The following PRKD3 variants were observed in gnomAD, a reference collection of about 807,000 sequenced individuals.
PRKD3 encodes the protein serine/threonine-protein kinase D3.
Under a neutral mutation model 99.2 loss-of-function variants are expected in PRKD3, and 47 were observed. The observed-to-expected ratio is 0.47, with a 90% CI of 0.38 to 0.60. The LOEUF is 0.60. Among genes scored for constraint, PRKD3 ranks in the 20% least tolerant of loss-of-function variants. The pLI is 0.00. For synonymous variants in PRKD3, 392 were observed against 355.4 expected, an observed-to-expected ratio of 1.10 and a Z score of -1.16; for missense variants, 1,019 against 1,088.4, an observed-to-expected ratio of 0.94 and a Z score of 0.90.
chr2:37,322,422 A>G (rs1210422262), intron 1 of PRKD3, among the ~76,000 whole-genome samples: 3 of 152,238 alleles, frequency 2.0e-5, no homozygotes, highest in Non-Finnish European at 4.4e-5. Flanking sequence ...GCTCATCTGG[A>G]CCAGTGACAG....
intron 7 of PRKD3, among the ~76,000 whole-genome samples, chr2:37,281,756 AT>A (rs1034124416): frequency 4.6e-5 from 7 of 152,238 alleles, no homozygotes; most frequent in Non-Finnish European, 5.9e-5. Context: ...GAAAATGTTA[AT>A]TAAACTCTCC....
At chr2:37,295,045 A>T (rs1278430701) in intron 2 of PRKD3, among the ~76,000 whole-genome samples, 1 of 152,206 alleles carries the variant, frequency 6.6e-6, no homozygotes, top group African/African-American at 2.4e-5. Flanking sequence ...ACTGCACTCC[A>T]GTCTGGGTGA....
intron 9 of PRKD3, 101 bp from the exon 10 acceptor site, chr2:37,275,945 T>C (rs1018228127): frequency 6.7e-5 from 94 of 1,395,532 alleles, no homozygotes; most frequent in Non-Finnish European, 8.4e-5. Flanking sequence ...ATTTGTATTT[T>C]TGAATAACTT....
intron 16 of PRKD3, among the ~76,000 whole-genome samples, chr2:37,258,816 T>C (rs1572610744): frequency 6.6e-6 from 1 of 152,354 alleles, no homozygotes; most frequent in East Asian, 1.9e-4. Flanking sequence ...TGAAAACACC[T>C]ATCTGTTGTC....
chr2:37,272,545 C>T (rs1669338170), intron 11 of PRKD3, 113 bp from the exon 12 acceptor site: 3 of 1,293,626 alleles, frequency 2.3e-6, no homozygotes, highest in African/African-American at 3.1e-5. Context: ...ACAGTTAATA[C>T]AATTATGTAC....
At chr2:37,260,870 A>T (rs1383936228) in intron 14 of PRKD3, among the ~76,000 whole-genome samples, 4 of 152,186 alleles carry the variant, frequency 2.6e-5, no homozygotes, top group Non-Finnish European at 5.9e-5. Context: ...TTTTAGGCTC[A>T]ACATCTCTAC....
At chr2:37,284,210 AT>A (rs1018963671) in intron 6 of PRKD3, among the ~76,000 whole-genome samples, 1 of 152,168 alleles carries the variant, frequency 6.6e-6, no homozygotes, top group Non-Finnish European at 1.5e-5. Context: ...AAATATTTTT[AT>A]TTTTTAAGTA....
chr2:37,305,821 G>C (rs1671139404), intron 2 of PRKD3, among the ~76,000 whole-genome samples: 1 of 152,164 alleles, frequency 6.6e-6, no homozygotes, highest in Non-Finnish European at 1.5e-5. Flanking sequence ...TTGAAATCAT[G>C]AGTATTAACT....
At chr2:37,270,949 T>C (rs1669215568) in intron 12 of PRKD3, among the ~76,000 whole-genome samples, 1 of 152,218 alleles carries the variant, frequency 6.6e-6, no homozygotes. Flanking sequence ...TTATTCAAAA[T>C]TTGAGTGCTC....
intron 17 of PRKD3, among the ~76,000 whole-genome samples, chr2:37,256,439 G>T (rs972295523): frequency 8.5e-5 from 13 of 152,122 alleles, no homozygotes; most frequent in Non-Finnish European, 1.8e-4. Flanking sequence ...GGCCACTGGG[G>T]CCTATGTAAG....
At chr2:37,319,371 T>C (rs1310635199) in intron 1 of PRKD3, among the ~76,000 whole-genome samples, 1 of 152,180 alleles carries the variant, frequency 6.6e-6, no homozygotes, top group South Asian at 2.1e-4. Flanking sequence ...TCCTCAGCCT[T>C]ATATCATTTT....
intron 17 of PRKD3, among the ~76,000 whole-genome samples, chr2:37,255,576 A>G (rs1368075710): frequency 6.6e-6 from 1 of 152,204 alleles, no homozygotes; most frequent in Non-Finnish European, 1.5e-5. Context: ...AGGAGAGAGG[A>G]AAACAAACTG....
chr2:37,307,443 G>A lies in PRKD3; in HGVS notation c.288+8794C>T, dbSNP rs138212062. ...TGGGATCAGCTTGGGCACAACTAAG[G>A]CACCGGATATATGAAACAAGATGGG... On this transcript the variant is annotated intron_variant, in intron 2 of 18. Coordinates refer to ENST00000234179, the MANE Select transcript of PRKD3 (RefSeq NM_005813.6). Among the ~76,000 whole-genome samples, 92 of 152,230 alleles carry A rather than the reference G, an allele frequency of 6.0e-4. 1 individual carries two copies. The East Asian group carries it at 0.017, about 28-fold the overall frequency.
rs1345256015 is a variant in PRKD3, at chr2:37,251,642, C to T, written c.*1535G>A. ...TTTTTTTTTTTTGCTACCTCAAATT[C>T]GGTGGGCAACGATAGTTAACACTTT... On this transcript the variant is annotated 3_prime_UTR_variant, in exon 19 of 19. Transcript: ENST00000234179. 3.3e-5 allele frequency: 5 copies of T among 150,808 alleles called. No individual in the cohort carries two copies. Among genetic ancestry groups the T allele is most frequent in the South Asian group, 2.1e-4 (1 of 4,806 alleles). The allele number at this position is 150,808 out of a possible 1,614,324, so 9.3% of individuals were successfully genotyped here. A position where few individuals can be genotyped will look rare whatever the true frequency, so the allele number is the denominator to read the frequency against.
intron 7 of PRKD3, 141 bp from the exon 8 acceptor site, chr2:37,280,070 G>C (rs1444110539): frequency 2.0e-5 from 10 of 493,554 alleles, no homozygotes; most frequent in Non-Finnish European, 3.0e-5. Flanking sequence ...TTTTTTTTTT[G>C]AGATAGAGTT....
chr2:37,294,886 A>C (rs934703421), intron 2 of PRKD3, among the ~76,000 whole-genome samples: 1 of 152,132 alleles, frequency 6.6e-6, no homozygotes, highest in Non-Finnish European at 1.5e-5. Context: ...ACCAGCCTGG[A>C]CAACATGGTG....
intron 10 of PRKD3, 31 bp from the exon 11 acceptor site, chr2:37,274,728 A>C: frequency 6.3e-7 from 1 of 1,578,226 alleles, no homozygotes; most frequent in Non-Finnish European, 8.7e-7. Context: ...TTGAAAAATA[A>C]GAATAGATCT....
chr2:37,257,268 C>A (rs576761973), intron 16 of PRKD3, among the ~76,000 whole-genome samples: 3 of 152,290 alleles, frequency 2.0e-5, no homozygotes, highest in African/African-American at 7.2e-5. Flanking sequence ...TGTAAGATCA[C>A]TCTTCCATCA....
chr2:37,304,437 T>C (rs1472772342), intron 2 of PRKD3, among the ~76,000 whole-genome samples: 1 of 152,150 alleles, frequency 6.6e-6, no homozygotes, highest in African/African-American at 2.4e-5. Context: ...CCAGAATTTT[T>C]TGGATATGAA....
Sources: gnomAD v4.1 joint callset for allele counts (sites outside exome capture counted in the v4.1 genomes callset) on GRCh38, gnomAD v4.1.1 for gene constraint, MANE v1.5 for transcripts, NCBI Gene and HGNC (gene_info 2026-07-23, HGNC 2026-07-21) for gene names.